Variants in ZC3H14 observed in about 807,000 individuals in gnomAD.
The protein encoded by ZC3H14 is zinc finger CCCH-type containing 14.
A neutral mutation model predicts 92.4 loss-of-function variants in ZC3H14; 31 were observed. The ratio of observed to expected loss-of-function variants is 0.34; its 90% CI spans 0.25 to 0.45. The LOEUF (loss-of-function observed/expected upper bound fraction) is 0.45, where lower values mean the gene tolerates loss of function less well. ZC3H14 is among the 20% of genes least tolerant of loss of function. ZC3H14 has a pLI of 1.00. For missense variants in ZC3H14, 781 were observed against 897.3 expected (o/e 0.87, Z 1.66); for synonymous variants, 321 against 300.9 (o/e 1.07, Z -0.69).
At chr14:88,574,150 C>T (rs1324407263) in intron 6 of ZC3H14, 1 of 153,212 alleles carries the variant, frequency 6.5e-6, no homozygotes, top group Non-Finnish European at 1.5e-5. Flanking sequence ...TCCTCAATAG[C>T]ACTATATGCA....
chr14:88,577,725 A>G (rs577532620), intron 8 of ZC3H14, among the ~76,000 whole-genome samples: 3 of 152,070 alleles, frequency 2.0e-5, no homozygotes, highest in South Asian at 2.1e-4. Context: ...GTGTGCCACT[A>G]TGCCCGGCTA....
At position 88,572,524 on chromosome 14, in the gene ZC3H14, T is replaced by C. The variant is rs570459601; in HGVS notation, c.432-54T>C. ...TTCAAGTAAACATTCTTTAAAGATT[T>C]GGTGATAATTGCCCTAATTTGGCTG... is the stretch of plus-strand genomic sequence containing the variant. On this transcript the variant is annotated intron_variant, in intron 5 of 16. Coordinates refer to ENST00000251038, the MANE Select transcript of ZC3H14 (RefSeq NM_024824.5). The C allele has an allele frequency of 2.0e-5, 32 of 1,597,194 alleles. No homozygotes were observed. In the South Asian group the frequency reaches 3.0e-4, roughly 15 times the overall value.
chr14:88,585,306 T>C (rs1179526284), intron 9 of ZC3H14, among the ~76,000 whole-genome samples: 1 of 152,212 alleles, frequency 6.6e-6, no homozygotes, highest in Non-Finnish European at 1.5e-5. Flanking sequence ...CATTAATTAC[T>C]GTTATTGTTG....
Position 88,611,775 on chromosome 14 carries a change from A to G in ZC3H14, c.*24A>G, listed in dbSNP as rs78455557. The G allele has an allele frequency of 6.2e-7, 1 of 1,613,866 alleles. No individual in the cohort carries two copies. The highest frequency in any genetic ancestry group is 8.5e-7 in the Non-Finnish European group (1 of 1,179,940). ...AGCACCCAGTCCTGCCTGGCAGAAG[A>G]TCATGCAGTTTGGAAGTTTTCATGT... On this transcript the variant is annotated 3_prime_UTR_variant, in exon 17 of 17. Transcript: ENST00000251038.
chr14:88,566,024 C>CA (rs2079541330), intron 2 of ZC3H14, among the ~76,000 whole-genome samples: 1 of 14,000 alleles, frequency 7.1e-5, no homozygotes. Context: ...CCTGCCACCA[C>CA]CCCGCCCCCC....
At chr14:88,567,951 A>G (rs758062317) in intron 2 of ZC3H14, 88 bp from the exon 3 acceptor site, 2 of 1,064,590 alleles carry the variant, frequency 1.9e-6, no homozygotes, top group Middle Eastern at 2.0e-4. Flanking sequence ...TCTAAAGCTT[A>G]GAGCTACATC....
At chr14:88,606,345 G>A (rs938012203) in intron 12 of ZC3H14, among the ~76,000 whole-genome samples, 1 of 152,260 alleles carries the variant, frequency 6.6e-6, no homozygotes. Context: ...TTTCCAGGCT[G>A]CTGCTCCCCG....
chr14:88,626,590 C>G lies in ZC3H14; in HGVS notation c.*14839C>G. Reference sequence around the variant, plus strand: ...TATAATCGCACCATTGCACCCCAGCCCAGGCGACAGAGTGAGATACTGTGT... The same window carrying G: ...TATAATCGCACCATTGCACCCCAGCGCAGGCGACAGAGTGAGATACTGTGT... On this transcript the variant is annotated 3_prime_UTR_variant, in exon 17 of 17. Coordinates refer to ENST00000251038, the MANE Select transcript of ZC3H14 (RefSeq NM_024824.5). 2.2e-6 allele frequency: 1 copy of G among 463,232 alleles called. No homozygotes were observed. Among genetic ancestry groups the G allele is most frequent in the South Asian group, 2.4e-5 (1 of 41,492 alleles). 28.7% of individuals were successfully genotyped at this position (463,232 alleles called of 1,614,324 possible).
chr14:88,605,214 G>A (rs995072082), intron 12 of ZC3H14, among the ~76,000 whole-genome samples: 4 of 152,124 alleles, frequency 2.6e-5, no homozygotes, highest in Non-Finnish European at 5.9e-5. Flanking sequence ...TAGGAAAAGG[G>A]TAAGACACAT....
chr14:88,587,003 C>A (rs958189645), intron 9 of ZC3H14, among the ~76,000 whole-genome samples: 1 of 152,062 alleles, frequency 6.6e-6, no homozygotes, highest in African/African-American at 2.4e-5. Flanking sequence ...ATGTCAGGTT[C>A]TAGCCCATTT....
At chr14:88,594,705 CTT>C (rs776234577) in intron 9 of ZC3H14, 11 of 1,613,614 alleles carry the variant, frequency 6.8e-6, no homozygotes, top group Non-Finnish European at 8.5e-6. Context: ...ATGAAAATGT[CTT>C]TGAGGTTCCT....
Position 88,620,903 on chromosome 14 carries a change from C to G in ZC3H14, c.*9152C>G, listed in dbSNP as rs1001740027. 3.3e-6 allele frequency: 5 copies of G among 1,514,634 alleles called. No individual in the cohort carries two copies. The highest frequency in any genetic ancestry group is 2.6e-5 in the Admixed American group (1 of 37,960). The allele number at this position is 1,514,634 out of a possible 1,614,324, so 93.8% of individuals were successfully genotyped here. On this transcript the variant is annotated 3_prime_UTR_variant, in exon 17 of 17. Transcript: ENST00000251038. This position sits in a 1 kb window ranked among gnomAD's most constrained non-coding sequence, Gnocchi z 4.3. ...AACACACAGTACGAGCAGCATGTCC[C>G]AAATTCACTTTGTTTAACATCTTCT...
At chr14:88,565,546 C>G (rs1257777970) in intron 2 of ZC3H14, among the ~76,000 whole-genome samples, 1 of 152,070 alleles carries the variant, frequency 6.6e-6, no homozygotes, top group Non-Finnish European at 1.5e-5. Context: ...TCTAAATAAC[C>G]AATGCATAAT....
intron 9 of ZC3H14, among the ~76,000 whole-genome samples, chr14:88,588,783 A>G (rs182301696): frequency 2.0e-5 from 3 of 152,172 alleles, no homozygotes; most frequent in South Asian, 2.1e-4. Flanking sequence ...TGTCAGTTGT[A>G]TATTTTTTCT....
Position 88,575,833 on chromosome 14 carries a change from C to T in ZC3H14, c.1023-7C>T. Reference sequence around the variant, plus strand: ...TTTAATAAAAATACCTTTCTTAACTCTTTTAGACCTTCTCTTCCACCTTCT... The same window carrying T: ...TTTAATAAAAATACCTTTCTTAACTTTTTTAGACCTTCTCTTCCACCTTCT... On this transcript the variant is annotated splice_region_variant and splice_polypyrimidine_tract_variant and intron_variant, in intron 7 of 16. Coordinates refer to ENST00000251038, the MANE Select transcript of ZC3H14 (RefSeq NM_024824.5). 6.2e-7 allele frequency: 1 copy of T among 1,608,920 alleles called. No individual in the cohort carries two copies. The highest frequency in any genetic ancestry group is 1.7e-4 in the Middle Eastern group (1 of 6,006).
Position 88,624,952 on chromosome 14 carries a change from AAAAG to A in ZC3H14, c.*13207_*13210del. The A allele has an allele frequency of 1.2e-6, 2 of 1,611,694 alleles. No individual in the cohort carries two copies. The highest frequency in any genetic ancestry group is 1.7e-5 in the Admixed American group (1 of 59,562). ...GTCACAAATGCATAAATATTCTGTGAAAAGAAAGAGGACTCACGGCCTTTCCTTT... is the reference window on the plus strand; with the variant it reads ...GTCACAAATGCATAAATATTCTGTGAAAAGAGGACTCACGGCCTTTCCTTT... On this transcript the variant is annotated 3_prime_UTR_variant, in exon 17 of 17. Transcript: ENST00000251038.
At position 88,618,373 on chromosome 14, in the gene ZC3H14, G is replaced by T; in HGVS notation, c.*6622G>T. On this transcript the variant is annotated 3_prime_UTR_variant, in exon 17 of 17. Transcript: ENST00000251038. Reference sequence around the variant, plus strand: ...AAATGGGACAAGAATTCCATTAGGTGAGAGACAAAATCCACAGGGGGTTTA... The same window carrying T: ...AAATGGGACAAGAATTCCATTAGGTTAGAGACAAAATCCACAGGGGGTTTA... The T allele has an allele frequency of 6.4e-7, 1 of 1,557,522 alleles. No homozygotes were observed. The highest frequency in any genetic ancestry group is 1.1e-5 in the South Asian group (1 of 89,238).
At chr14:88,588,894 A>AT (rs2082763044) in intron 9 of ZC3H14, among the ~76,000 whole-genome samples, 1 of 152,050 alleles carries the variant, frequency 6.6e-6, no homozygotes, top group African/African-American at 2.4e-5. Flanking sequence ...AGGCAAGCAT[A>AT]TTTTTTAATT....
chr14:88,604,994 C>T (rs1248868095), intron 12 of ZC3H14, among the ~76,000 whole-genome samples: 1 of 152,160 alleles, frequency 6.6e-6, no homozygotes, highest in African/African-American at 2.4e-5. Flanking sequence ...AGGGGCATGA[C>T]CTTCGTATGA....
Sources: allele counts gnomAD v4.1 joint callset (sites outside exome capture counted in the v4.1 genomes callset), GRCh38; gene constraint gnomAD v4.1.1; non-coding constraint Gnocchi (gnomAD v3.1); transcripts MANE v1.5; gene names NCBI Gene and HGNC (gene_info 2026-07-23, HGNC 2026-07-21).